HDAC9: variants seen among roughly 807,000 people sequenced by gnomAD.
The protein encoded by HDAC9 is MEF-2 interacting transcription repressor (MITR) protein.
HDAC9 carries 41 observed loss-of-function variants against 139.4 expected under a neutral mutation model. The observed-to-expected ratio is 0.29, with a 90% confidence interval of 0.23 to 0.38. HDAC9 has a LOEUF of 0.38. HDAC9 is among the 10% of genes least tolerant of loss of function. HDAC9 has a pLI of 1.00. For missense variants in HDAC9, 1,147 were observed against 1,297.0 expected, an observed-to-expected ratio of 0.88 and a Z score of 1.78; for synonymous variants, 517 against 476.2, an observed-to-expected ratio of 1.09 and a Z score of -1.12.
At chr7:18,354,196 T>C (rs1038853443) in intron 1 of HDAC9, among the ~76,000 whole-genome samples, 1 of 152,176 alleles carries the variant, frequency 6.6e-6, no homozygotes, top group African/African-American at 2.4e-5. Context: ...AAAGGACATT[T>C]ATTTACCTAG....
Position 18,269,769 on chromosome 7 carries a change from T to C in HDAC9, c.25+107420T>C, listed in dbSNP as rs145721340. ...ATACATATATACACATATATATATA[T>C]ACACACACATATATATGCATGGGAA... is the stretch of plus-strand genomic sequence containing the variant. On this transcript the variant is annotated intron_variant, in intron 2 of 12. Transcript: ENST00000417496. Among the ~76,000 whole-genome samples, 451 of 152,166 alleles carry C rather than the reference T, an allele frequency of 3.0e-3. 2 individuals are homozygous for C. The highest frequency in any genetic ancestry group is 8.4e-3 in the African/African-American group (347 of 41,512).
chr7:18,583,253 C>T (rs1257991615), intron 2 of HDAC9, among the ~76,000 whole-genome samples: 5 of 152,100 alleles, frequency 3.3e-5, no homozygotes, highest in Admixed American at 2.6e-4. Flanking sequence ...GCTATTAGTA[C>T]TTACTGTTAC....
intron 1 of HDAC9, among the ~76,000 whole-genome samples, chr7:18,450,731 T>C (rs538436538): frequency 1.3e-5 from 2 of 152,328 alleles, no homozygotes; most frequent in African/African-American, 4.8e-5. Flanking sequence ...CTATAACTAA[T>C]ATTGCTAATG....
chr7:18,240,982 C>T (rs1446336616), intron 2 of HDAC9, among the ~76,000 whole-genome samples: 1 of 152,084 alleles, frequency 6.6e-6, no homozygotes, highest in African/African-American at 2.4e-5. Context: ...TAAATAGGAC[C>T]AGTACTTCAG....
chr7:18,935,231 ATATTATTG>A (rs982667617), intron 22 of HDAC9, among the ~76,000 whole-genome samples: 2 of 152,094 alleles, frequency 1.3e-5, no homozygotes, highest in Non-Finnish European at 1.5e-5. Context: ...GATATTTGTC[ATATTATTG>A]TATTTTATAA....
intron 8 of HDAC9, among the ~76,000 whole-genome samples, 173 bp downstream of exon 8, chr7:18,634,915 T>C (rs1234630201): frequency 6.6e-6 from 1 of 152,106 alleles, no homozygotes; most frequent in Non-Finnish European, 1.5e-5. Flanking sequence ...TACTAACTAA[T>C]GTAAATATTA....
intron 1 of HDAC9, among the ~76,000 whole-genome samples, chr7:18,333,011 A>G (rs1184060988): frequency 6.6e-6 from 1 of 151,614 alleles, no homozygotes; most frequent in East Asian, 1.9e-4. Context: ...TGTCATGCCA[A>G]ATATAGTTGC....
At position 18,317,878 on chromosome 7, in the gene HDAC9, A is replaced by C. The variant is rs562434209; in HGVS notation, c.-42+27363A>C. Among the ~76,000 whole-genome samples, 3 of 152,344 alleles carry C rather than the reference A, an allele frequency of 2.0e-5. No homozygotes were observed. The South Asian group carries it at 6.2e-4, about 32-fold the overall frequency. ...TCTAACAGAAATCCGTGTTGCCAAA[A>C]GTTCTTCATAAATTTTATTGCTCTG... On this transcript the variant is annotated intron_variant, in intron 1 of 3. Transcript: ENST00000413509.
At chr7:18,183,324 A>T (rs1002002223) in intron 2 of HDAC9, among the ~76,000 whole-genome samples, 21 of 152,144 alleles carry the variant, frequency 1.4e-4, no homozygotes, top group East Asian at 3.9e-4. Context: ...TTGTTTTTTT[A>T]AAAAAAGCCC....
intron 2 of HDAC9, among the ~76,000 whole-genome samples, chr7:18,164,872 T>C (rs114383502): frequency 5.7e-4 from 87 of 152,348 alleles, no homozygotes; most frequent in African/African-American, 1.9e-3. Flanking sequence ...CTGGATAAGA[T>C]TGGCAGCTAG....
intron 16 of HDAC9, among the ~76,000 whole-genome samples, chr7:18,768,721 T>C (rs754898228): frequency 3.9e-5 from 6 of 152,144 alleles, no homozygotes; most frequent in Non-Finnish European, 8.8e-5. Context: ...ATCAAAGCTA[T>C]TAAAAGGGTG....
intron 1 of HDAC9, among the ~76,000 whole-genome samples, chr7:18,099,123 T>A (rs1414103347): frequency 6.6e-6 from 1 of 152,124 alleles, no homozygotes; most frequent in East Asian, 1.9e-4. Flanking sequence ...AAAATAAATA[T>A]TAAATAAATT....
chr7:18,759,054 G>C (rs751154410), intron 14 of HDAC9, among the ~76,000 whole-genome samples: 1 of 152,160 alleles, frequency 6.6e-6, no homozygotes, highest in Non-Finnish European at 1.5e-5. Flanking sequence ...CTTAGGAATA[G>C]TGGTACATTT....
intron 1 of HDAC9, among the ~76,000 whole-genome samples, chr7:18,147,553 A>G (rs563536558): frequency 2.0e-5 from 3 of 152,222 alleles, no homozygotes; most frequent in African/African-American, 7.2e-5. Flanking sequence ...ATATTTTAGC[A>G]ATTCAGAAAA....
chr7:18,590,612 A>G (rs953583974), intron 4 of HDAC9, 126 bp downstream of exon 4: 41 of 979,804 alleles, frequency 4.2e-5, no homozygotes, highest in Non-Finnish European at 5.9e-5. Flanking sequence ...TTAAAAGCAT[A>G]GATTACAGAC....
At chr7:18,913,376 A>G (rs111279144) in intron 22 of HDAC9, among the ~76,000 whole-genome samples, 7 of 152,216 alleles carry the variant, frequency 4.6e-5, no homozygotes, top group African/African-American at 1.4e-4. Context: ...ATGTTTGGCA[A>G]TCTATCTGAT....
At chr7:18,364,454 G>T (rs1562920621) in intron 1 of HDAC9, among the ~76,000 whole-genome samples, 1 of 152,054 alleles carries the variant, frequency 6.6e-6, no homozygotes, top group Non-Finnish European at 1.5e-5. Flanking sequence ...AAGAAAAAGA[G>T]CAGTCAGAAA....
At chr7:18,668,630 G>T in intron 12 of HDAC9, 21 of 983,528 alleles carry the variant, frequency 2.1e-5, no homozygotes, top group Non-Finnish European at 2.5e-5. Flanking sequence ...ATTTAATCAA[G>T]AAACTACCTG....
chr7:18,270,306 A>AC (rs1197426678), intron 2 of HDAC9, among the ~76,000 whole-genome samples: 7 of 150,820 alleles, frequency 4.6e-5, no homozygotes, highest in African/African-American at 7.3e-5. Context: ...AACAAAAAAA[A>AC]AACTGTGACT....
Sources: allele counts gnomAD v4.1 joint callset (sites outside exome capture counted in the v4.1 genomes callset), GRCh38; gene constraint gnomAD v4.1.1; transcripts MANE v1.5; gene names NCBI Gene and HGNC (gene_info 2026-07-23, HGNC 2026-07-21).